Variants in COL13A1 observed in about 807,000 individuals in gnomAD.
COL13A1 encodes collagen type XIII alpha 1 chain.
COL13A1 carries 89 observed loss-of-function variants against 130.9 expected under a neutral mutation model. The ratio of observed to expected loss-of-function variants is 0.68; its 90% CI spans 0.57 to 0.81. The LOEUF is 0.81. Ranked by LOEUF, COL13A1 falls within the 30% of genes least tolerant of loss-of-function variation. The pLI is 0.00. For synonymous variants in COL13A1, 402 were observed against 341.6 expected, an observed-to-expected ratio of 1.18 and a Z score of -1.95; for missense variants, 879 against 934.6, an observed-to-expected ratio of 0.94 and a Z score of 0.78.
At chr10:69,956,886 G>T in intron 39 of COL13A1, 118 bp from the exon 40 acceptor site, 1 of 745,094 alleles carries the variant, frequency 1.3e-6, no homozygotes, top group Non-Finnish European at 2.4e-6. Context: ...AGACAAGCGT[G>T]GGTGGGCCAC....
intron 5 of COL13A1, among the ~76,000 whole-genome samples, chr10:69,876,895 G>A (rs1487962226): frequency 6.6e-6 from 1 of 152,176 alleles, no homozygotes; most frequent in Non-Finnish European, 1.5e-5. Context: ...CCACAGGGAA[G>A]GCTGCAAAAT....
At chr10:69,873,552 C>T (rs2059294726) in intron 4 of COL13A1, among the ~76,000 whole-genome samples, 1 of 152,216 alleles carries the variant, frequency 6.6e-6, no homozygotes, top group African/African-American at 2.4e-5. Context: ...GGCCATTCCA[C>T]ACCCATCCCT....
At chr10:69,880,392 C>T in intron 6 of COL13A1, 111 bp from the exon 7 acceptor site, 1 of 735,626 alleles carries the variant, frequency 1.4e-6, no homozygotes, top group Admixed American at 2.0e-5. Context: ...GGGCCGGCCT[C>T]CTGCTCCTGG....
intron 38 of COL13A1, among the ~76,000 whole-genome samples, chr10:69,950,657 A>G (rs889947638): frequency 1.3e-5 from 2 of 152,230 alleles, no homozygotes; most frequent in Non-Finnish European, 2.9e-5. Flanking sequence ...TTGTTGGCAG[A>G]CAAAACTTCA....
At chr10:69,848,633 C>T (rs983002642) in intron 2 of COL13A1, among the ~76,000 whole-genome samples, 5 of 152,204 alleles carry the variant, frequency 3.3e-5, no homozygotes, top group South Asian at 2.1e-4. Context: ...ACCCACGCAC[C>T]GTCCTCTCAC....
Position 69,938,851 on chromosome 10 carries a change from G to A in COL13A1, c.1878+1136G>A, listed in dbSNP as rs193156716. The stretch of plus-strand genomic sequence containing the variant: ...TAGCAGGCATTTTCCCATGTCTTAA[G>A]CTGTGTCTGGAATGATTAAGTGCTC... On this transcript the variant is annotated intron_variant, in intron 34 of 40. Coordinates refer to ENST00000645393, the MANE Select transcript of COL13A1 (RefSeq NM_001368882.1). Among the ~76,000 whole-genome samples, 8 of 152,270 alleles carry A rather than the reference G, an allele frequency of 5.3e-5. No homozygotes were observed. The East Asian group carries it at 1.2e-3, about 22-fold the overall frequency.
Position 69,930,541 on chromosome 10 carries a change from G to A in COL13A1, c.1672G>A (p.Ala558Thr). 6.2e-7 allele frequency: 1 copy of A among 1,613,382 alleles called. No individual in the cohort carries two copies. The change falls in exon 30 of 41, where the codon GCA (alanine) becomes ACA (threonine). Residue 558 changes from alanine to threonine, a missense_variant. By Grantham distance (58) the Ala-to-Thr change is moderately conservative. This residue lies in a region of COL13A1 where 715 missense variants were observed against 721.0 expected (regional missense o/e 0.99). Transcript: ENST00000645393. ...EKGEKGETGQ[A>T]GSPGEKGEAG... ...GGGGGAAAAAGGGGAGACAGGACAA[G>A]CAGGCTCACCGGTGAGTGGCAGGGC... is the stretch of plus-strand genomic sequence containing the variant.
intron 10 of COL13A1, 25 bp from the exon 11 acceptor site, chr10:69,894,527 A>G: frequency 6.2e-7 from 1 of 1,613,334 alleles, no homozygotes; most frequent in Non-Finnish European, 8.5e-7. Flanking sequence ...CTGCCCACTG[A>G]CCTGTGTGTG....
At chr10:69,851,486 G>A (rs1424729380) in intron 2 of COL13A1, among the ~76,000 whole-genome samples, 2 of 152,150 alleles carry the variant, frequency 1.3e-5, no homozygotes, top group Non-Finnish European at 2.9e-5. Flanking sequence ...GGGCAGAGCT[G>A]CTTAATAGAA....
intron 7 of COL13A1, among the ~76,000 whole-genome samples, chr10:69,886,123 T>C (rs1273902576): frequency 1.4e-4 from 21 of 152,228 alleles, no homozygotes; most frequent in Non-Finnish European, 1.5e-5. Flanking sequence ...CTAAAACTGC[T>C]GCTTGACAAG....
At chr10:69,935,726 C>A (rs1040093271) in intron 32 of COL13A1, among the ~76,000 whole-genome samples, 1 of 152,154 alleles carries the variant, frequency 6.6e-6, no homozygotes, top group Admixed American at 6.5e-5. Flanking sequence ...ACTCACCGGT[C>A]TGGCACAGTG....
At chr10:69,871,051 C>T (rs1172637631) in intron 3 of COL13A1, among the ~76,000 whole-genome samples, 2 of 152,156 alleles carry the variant, frequency 1.3e-5, no homozygotes, top group African/African-American at 2.4e-5. Flanking sequence ...AGTAGACCCA[C>T]TGCATGAGGT....
Position 69,930,560 on chromosome 10 carries a change from G to A in COL13A1, c.1683+8G>A, listed in dbSNP as rs770040403. The A allele has an allele frequency of 2.5e-6, 4 of 1,611,596 alleles. No homozygotes were observed. Among genetic ancestry groups the A allele is most frequent in the East Asian group, 2.2e-5 (1 of 44,846 alleles). On this transcript the variant is annotated splice_region_variant and intron_variant, in intron 30 of 40. Transcript: ENST00000645393. ...GGACAAGCAGGCTCACCGGTGAGTG[G>A]CAGGGCTGGCTGCCCTTCCGTGCAT...
chr10:69,926,736 C>G (rs1209333461), intron 26 of COL13A1, among the ~76,000 whole-genome samples: 1 of 152,150 alleles, frequency 6.6e-6, no homozygotes, highest in Non-Finnish European at 1.5e-5. Context: ...AAGGGAGGGT[C>G]CTCAGAAGGT....
chr10:69,833,405 A>G (rs1344766028), intron 2 of COL13A1, among the ~76,000 whole-genome samples: 1 of 152,216 alleles, frequency 6.6e-6, no homozygotes, highest in Non-Finnish European at 1.5e-5. Context: ...GGGCTCCAGG[A>G]TGAACATGAA....
chr10:69,837,985 C>T (rs1000848327), intron 2 of COL13A1, among the ~76,000 whole-genome samples: 4 of 152,228 alleles, frequency 2.6e-5, no homozygotes, highest in African/African-American at 9.6e-5. Context: ...ATCTCCCAGC[C>T]CTTCTCCAGT....
intron 10 of COL13A1, among the ~76,000 whole-genome samples, chr10:69,891,056 G>C (rs1389177232): frequency 6.6e-6 from 1 of 151,980 alleles, no homozygotes; most frequent in Non-Finnish European, 1.5e-5. Context: ...ATTTTTTATG[G>C]AGTATCTAAA....
Position 69,833,321 on chromosome 10 carries a change from C to T in COL13A1, c.364+10883C>T, listed in dbSNP as rs952936869. Reference sequence around the variant, plus strand: ...TTACAGTAACTAGATTGAGCACCCCCACCTCTCCACTCCTCACCTCAGCCC... The same window carrying T: ...TTACAGTAACTAGATTGAGCACCCCTACCTCTCCACTCCTCACCTCAGCCC... On this transcript the variant is annotated intron_variant, in intron 2 of 40. Coordinates refer to ENST00000645393, the MANE Select transcript of COL13A1 (RefSeq NM_001368882.1). 3.3e-5 allele frequency among the ~76,000 whole-genome samples: 5 copies of T among 152,328 alleles called. No homozygotes were observed. The South Asian group carries it at 1.0e-3, about 32-fold the overall frequency.
chr10:69,838,641 T>C (rs1850748929), intron 2 of COL13A1, among the ~76,000 whole-genome samples: 2 of 152,246 alleles, frequency 1.3e-5, no homozygotes, highest in Admixed American at 1.3e-4. Flanking sequence ...GGACCGGCCC[T>C]TGCCAGAGGA....
Sources: gnomAD v4.1 joint callset for allele counts (sites outside exome capture counted in the v4.1 genomes callset) on GRCh38, gnomAD v4.1.1 for gene constraint, gnomAD v4.1.1 regional missense constraint, MANE v1.5 for transcripts, NCBI Gene and HGNC (gene_info 2026-07-23, HGNC 2026-07-21) for gene names.